The following CIT variants were observed in gnomAD, a reference collection of about 807,000 sequenced individuals.
CIT encodes the protein citron rho-interacting serine/threonine kinase.
A neutral mutation model predicts 272.7 loss-of-function variants in CIT; 79 were observed. That is an observed-to-expected ratio of 0.29 (90% confidence interval 0.24 to 0.35). The LOEUF (loss-of-function observed/expected upper bound fraction) is 0.35, where lower values mean the gene tolerates loss of function less well. Ranked by LOEUF, CIT falls within the 10% of genes least tolerant of loss-of-function variation. The pLI, the probability that CIT is intolerant of heterozygous loss-of-function variation, is 1.00. For synonymous variants in CIT, 948 were observed against 995.6 expected, an observed-to-expected ratio of 0.95 and a Z score of 0.90; for missense variants, 1,909 against 2,618.3, an observed-to-expected ratio of 0.73 and a Z score of 5.91.
intron 5 of CIT, among the ~76,000 whole-genome samples, chr12:119,841,181 T>A (rs1969384396): frequency 6.6e-6 from 1 of 151,802 alleles, no homozygotes; most frequent in Admixed American, 6.6e-5. Context: ...TTTAACCTTT[T>A]TTTTTTTTTT....
At chr12:119,720,678 G>A in intron 29 of CIT, 93 bp from the exon 30 acceptor site, 1 of 827,400 alleles carries the variant, frequency 1.2e-6, no homozygotes, top group Non-Finnish European at 1.9e-6. Flanking sequence ...AAGTTGTTAG[G>A]ACACTAATAT....
chr12:119,863,653 A>G (rs1183076112), intron 3 of CIT, among the ~76,000 whole-genome samples: 1 of 151,862 alleles, frequency 6.6e-6, no homozygotes, highest in Non-Finnish European at 1.5e-5. Context: ...CAGCCTCCTG[A>G]GTAGCTGGGA....
chr12:119,786,999 T>C (rs1258301624), intron 10 of CIT, among the ~76,000 whole-genome samples: 1 of 152,120 alleles, frequency 6.6e-6, no homozygotes, highest in Non-Finnish European at 1.5e-5. Flanking sequence ...AAAGACAGTC[T>C]CACTCCGATG....
chr12:119,820,173 G>T (rs1322904206), intron 9 of CIT, among the ~76,000 whole-genome samples: 1 of 152,198 alleles, frequency 6.6e-6, no homozygotes, highest in African/African-American at 2.4e-5. Context: ...AAAAAAGTCT[G>T]AAGTGTAGTT....
intron 16 of CIT, among the ~76,000 whole-genome samples, chr12:119,774,557 T>C (rs1963542184): frequency 1.1e-5 from 1 of 90,046 alleles, no homozygotes. Flanking sequence ...TCACAATGTA[T>C]ATGTGTGTGT....
chr12:119,785,162 T>TGA, intron 10 of CIT, 97 bp from the exon 11 acceptor site: 1 of 1,312,432 alleles, frequency 7.6e-7, no homozygotes, highest in Non-Finnish European at 1.1e-6. Context: ...CAAAAACATC[T>TGA]CATGCTCTTG....
At chr12:119,733,501 T>C (rs1188516145) in intron 26 of CIT, among the ~76,000 whole-genome samples, 2 of 144,908 alleles carry the variant, frequency 1.4e-5, no homozygotes, top group African/African-American at 5.2e-5. Context: ...GCCACTGCAC[T>C]CCAGCCTGGG....
intron 41 of CIT, 68 bp downstream of exon 41, chr12:119,704,293 TCC>T: frequency 6.9e-7 from 1 of 1,458,908 alleles, no homozygotes; most frequent in East Asian, 2.3e-5. Flanking sequence ...CAGTGCACTT[TCC>T]ACACTGGCTC....
intron 9 of CIT, among the ~76,000 whole-genome samples, chr12:119,809,235 T>C (rs1966764792): frequency 6.6e-6 from 1 of 151,964 alleles, no homozygotes; most frequent in African/African-American, 2.4e-5. Flanking sequence ...GAGTGCTGGG[T>C]TAGTGTCAGT....
In CIT at chr12:119,713,227, T is replaced by C. The variant is rs1957266964; in HGVS notation, c.4555A>G (p.Ile1519Val). 1.2e-6 allele frequency: 2 copies of C among 1,613,982 alleles called. No individual in the cohort carries two copies. The highest frequency in any genetic ancestry group is 1.7e-6 in the Non-Finnish European group (2 of 1,179,902). ...CCTTCTCTGGCTTCATTGTCATAAA[T>C]GAGGACTTTTGATCCCTCCAGGACA... ...YIVLEGSKVL[I>V]YDNEAREAGQ... is the part of the protein sequence containing the mutation. Residue 1519 changes from isoleucine (I) to valine (V), a missense_variant, in exon 35 of 48, where the codon ATT (isoleucine) becomes GTT (valine). Ile to Val is a conservative substitution (Grantham distance 29). This residue lies in a region of CIT where 780 missense variants were observed against 1,067.2 expected (regional missense o/e 0.73). Coordinates refer to ENST00000392521, the MANE Select transcript of CIT (RefSeq NM_001206999.2). The surrounding 1 kb of genome is among the most constrained non-coding windows in gnomAD (Gnocchi z 5.2).
intron 9 of CIT, among the ~76,000 whole-genome samples, chr12:119,812,765 A>G (rs1381213132): frequency 8.8e-6 from 1 of 113,316 alleles, no homozygotes; most frequent in East Asian, 2.7e-4. Context: ...TTTTTTTTTG[A>G]GATGGAGTCT....
chr12:119,769,950 G>A (rs1016384874), intron 18 of CIT, among the ~76,000 whole-genome samples: 6 of 152,136 alleles, frequency 3.9e-5, no homozygotes, highest in Non-Finnish European at 8.8e-5. Context: ...CCCTGCTCAC[G>A]ACCTTGCCTC....
intron 20 of CIT, among the ~76,000 whole-genome samples, chr12:119,759,077 T>G (rs1251074613): frequency 2.6e-5 from 4 of 152,208 alleles, no homozygotes; most frequent in African/African-American, 9.7e-5. Flanking sequence ...CCTCGAGGGT[T>G]GTCATTTTCT....
rs1161785404 is a variant in CIT at position 119,687,638 on chromosome 12, C to T, written c.*594G>A. On this transcript the variant is annotated 3_prime_UTR_variant, in exon 48 of 48. Coordinates refer to ENST00000392521, the MANE Select transcript of CIT (RefSeq NM_001206999.2). The stretch of plus-strand genomic sequence containing the variant: ...GGCCATCTATGAGAATGAACAGGAA[C>T]AAGGATGAACCTACTTGGCTGCGGG... 2 of 152,362 alleles carry T rather than the reference C, an allele frequency of 1.3e-5. No homozygotes were observed. The highest frequency in any genetic ancestry group is 4.8e-5 in the African/African-American group (2 of 41,360). The allele number at this position is 152,362 out of a possible 1,614,324, so 9.4% of individuals were successfully genotyped here.
intron 41 of CIT, among the ~76,000 whole-genome samples, chr12:119,703,724 C>A (rs980201701): frequency 6.6e-6 from 1 of 152,172 alleles, no homozygotes; most frequent in Non-Finnish European, 1.5e-5. Context: ...ACATGCCCAG[C>A]CTCATTTCAT....
rs568416975 is a variant in CIT at position 119,831,042 on chromosome 12, T to G, written c.753+1729A>C. On this transcript the variant is annotated intron_variant, in intron 7 of 47. Transcript: ENST00000392521. The stretch of plus-strand genomic sequence containing the variant: ...TACCATGTCTGGCTAATTTTTTGAT[T>G]TTTTGTAGAGACTAGGTCTCATTTT... Among the ~76,000 whole-genome samples, 24 of 152,256 alleles carry G rather than the reference T, an allele frequency of 1.6e-4. No homozygotes were observed. The South Asian group carries it at 4.6e-3, about 29-fold the overall frequency.
chr12:119,725,941 T>G (rs1958073168), intron 28 of CIT, among the ~76,000 whole-genome samples: 1 of 152,218 alleles, frequency 6.6e-6, no homozygotes, highest in African/African-American at 2.4e-5. Flanking sequence ...ACGAGGTACA[T>G]TTAACATTTC....
chr12:119,846,897 A>G (rs559064635), intron 5 of CIT, among the ~76,000 whole-genome samples: 2 of 152,070 alleles, frequency 1.3e-5, no homozygotes, highest in East Asian at 1.9e-4. Flanking sequence ...TTAAAAAAAA[A>G]AAAGAAAGAA....
chr12:119,753,436 G>A (rs1960512237), intron 22 of CIT, among the ~76,000 whole-genome samples: 1 of 152,076 alleles, frequency 6.6e-6, no homozygotes, highest in Non-Finnish European at 1.5e-5. Flanking sequence ...AGGACATAAG[G>A]GAGTCAAAGA....
Sources: allele counts gnomAD v4.1 joint callset (sites outside exome capture counted in the v4.1 genomes callset), GRCh38; gene constraint gnomAD v4.1.1; regional missense constraint gnomAD v4.1.1; non-coding constraint Gnocchi (gnomAD v3.1); transcripts MANE v1.5; gene names NCBI Gene and HGNC (gene_info 2026-07-23, HGNC 2026-07-21).